The following LDLRAD3 variants were observed in gnomAD, a reference collection of about 807,000 sequenced individuals.
LDLRAD3 encodes the protein low density lipoprotein receptor class A domain containing 3, also known as low-density lipoprotein receptor class A domain-containing protein 3.
LDLRAD3 carries 20 observed loss-of-function variants against 29.4 expected under a neutral mutation model. That is an observed-to-expected ratio of 0.68 (90% CI 0.48 to 0.99). The LOEUF is 0.99. LDLRAD3 is among the 50% of genes least tolerant of loss of function. The pLI is 0.00. For missense variants in LDLRAD3, 420 were observed against 454.3 expected, an observed-to-expected ratio of 0.92 and a Z score of 0.69; for synonymous variants, 157 against 192.7, an observed-to-expected ratio of 0.81 and a Z score of 1.53.
At chr11:35,971,948 G>A (rs974189823) in intron 1 of LDLRAD3, among the ~76,000 whole-genome samples, 2 of 152,114 alleles carry the variant, frequency 1.3e-5, no homozygotes, top group Non-Finnish European at 2.9e-5. Context: ...AATGGATGGT[G>A]GCTCCATTCA....
Position 36,098,475 on chromosome 11 carries a change from A to G in LDLRAD3, c.454+14A>G. ...AAAGTTCTCAAGGTAGGAACCTCTC[A>G]AGCTCTAAAAAGATAATTGCAACAC... is the stretch of plus-strand genomic sequence containing the variant. On this transcript the variant is annotated intron_variant, in intron 4 of 5. Transcript: ENST00000315571. The G allele has an allele frequency of 6.2e-7, 1 of 1,613,966 alleles. No individual in the cohort carries two copies. The highest frequency in any genetic ancestry group is 8.5e-7 in the Non-Finnish European group (1 of 1,179,838).
At chr11:36,108,910 A>G (rs1853569249) in intron 4 of LDLRAD3, among the ~76,000 whole-genome samples, 1 of 152,090 alleles carries the variant, frequency 6.6e-6, no homozygotes, top group South Asian at 2.1e-4. Flanking sequence ...GCCAAGCAGT[A>G]GGGTGGGGTT....
chr11:36,221,671 G>A (rs1440889992), intron 4 of LDLRAD3, among the ~76,000 whole-genome samples: 1 of 152,168 alleles, frequency 6.6e-6, no homozygotes, highest in Non-Finnish European at 1.5e-5. Flanking sequence ...TGCACCATCA[G>A]CCTGGGCAAG....
At chr11:35,996,685 G>T (rs1351152601) in intron 1 of LDLRAD3, among the ~76,000 whole-genome samples, 2 of 152,152 alleles carry the variant, frequency 1.3e-5, no homozygotes, top group Non-Finnish European at 2.9e-5. Flanking sequence ...CTGTTCTTTA[G>T]ATCAATAATT....
chr11:36,144,139 T>C (rs199793219), intron 4 of LDLRAD3, among the ~76,000 whole-genome samples: 10,457 of 151,134 alleles, frequency 0.069, 520 homozygotes, highest in East Asian at 0.24. Context: ...CTGTGTTGGC[T>C]GGGCTGGTCT....
chr11:36,043,418 T>G (rs1481492115), intron 2 of LDLRAD3, among the ~76,000 whole-genome samples: 2 of 152,232 alleles, frequency 1.3e-5, no homozygotes, highest in African/African-American at 4.8e-5. Context: ...TTTAACAATT[T>G]GCAAGTAAGA....
chr11:35,993,903 A>G (rs550298910), intron 1 of LDLRAD3, among the ~76,000 whole-genome samples: 2 of 152,220 alleles, frequency 1.3e-5, no homozygotes, highest in South Asian at 4.2e-4. Context: ...TTAGTTAATT[A>G]TGTGCATAAA....
intron 1 of LDLRAD3, among the ~76,000 whole-genome samples, chr11:35,999,494 C>T (rs958942842): frequency 1.3e-5 from 2 of 152,202 alleles, no homozygotes; most frequent in Admixed American, 6.5e-5. Flanking sequence ...ATCTCTCCTG[C>T]TGCCTGCAGA....
chr11:36,075,926 C>G (rs950302598), intron 2 of LDLRAD3, among the ~76,000 whole-genome samples: 1 of 152,194 alleles, frequency 6.6e-6, no homozygotes, highest in Non-Finnish European at 1.5e-5. Flanking sequence ...TTGACATGCC[C>G]CCATGATATT....
chr11:36,185,503 GTGGCACAAGA>G (rs1317489937), intron 4 of LDLRAD3, among the ~76,000 whole-genome samples: 1 of 152,214 alleles, frequency 6.6e-6, no homozygotes, highest in Non-Finnish European at 1.5e-5. Flanking sequence ...GAGGAATGCA[GTGGCACAAGA>G]TGGCTTGTGT....
In LDLRAD3 at chr11:36,213,591, C is replaced by T. The variant is rs546100416; in HGVS notation, c.455-13494C>T. 1.9e-3 allele frequency among the ~76,000 whole-genome samples: 284 copies of T among 152,246 alleles called. No homozygotes were observed. Among genetic ancestry groups the T allele is most frequent in the African/African-American group, 6.5e-3 (271 of 41,556 alleles). On this transcript the variant is annotated intron_variant, in intron 4 of 5. Coordinates refer to ENST00000315571, the MANE Select transcript of LDLRAD3 (RefSeq NM_174902.4). This position sits in a 1 kb window ranked among gnomAD's most constrained non-coding sequence, Gnocchi z 4.1. The stretch of plus-strand genomic sequence containing the variant: ...TCCAGGCTTGAGAAAGTGTGGCTGC[C>T]ACTGTGGCAGAGGCCATGGTAGGAG...
intron 1 of LDLRAD3, among the ~76,000 whole-genome samples, chr11:36,004,287 G>A (rs1255991865): frequency 6.6e-6 from 1 of 152,182 alleles, no homozygotes; most frequent in Admixed American, 6.5e-5. Context: ...CAGGTATAGG[G>A]TGAATGCTTT....
At chr11:36,219,830 TAAAAA>T (rs375216196) in intron 4 of LDLRAD3, among the ~76,000 whole-genome samples, 4 of 152,188 alleles carry the variant, frequency 2.6e-5, no homozygotes, top group African/African-American at 9.6e-5. Flanking sequence ...TGACTAGTCT[TAAAAA>T]AGAAAATACC....
chr11:36,075,789 C>T (rs1272383348), intron 2 of LDLRAD3, among the ~76,000 whole-genome samples: 2 of 152,092 alleles, frequency 1.3e-5, no homozygotes, highest in Admixed American at 1.3e-4. Flanking sequence ...GGTACTAGAT[C>T]CTTATTTTGT....
In LDLRAD3 at chr11:35,977,621, G is replaced by A. The variant is rs1451180478; in HGVS notation, c.46+33477G>A. Among the ~76,000 whole-genome samples, 9 of 152,068 alleles carry A rather than the reference G, an allele frequency of 5.9e-5. No individual in the cohort carries two copies. The South Asian group carries it at 6.2e-4, about 10-fold the overall frequency. ...TAGGGAGAGGCCCAATGAGACGCCC[G>A]TCTTAGGTCCTTTCAAGCTGCTATA... On this transcript the variant is annotated intron_variant, in intron 1 of 5. Coordinates refer to ENST00000315571, the MANE Select transcript of LDLRAD3 (RefSeq NM_174902.4).
intron 4 of LDLRAD3, among the ~76,000 whole-genome samples, chr11:36,158,086 T>G (rs747470517): frequency 6.6e-6 from 1 of 152,200 alleles, no homozygotes; most frequent in African/African-American, 2.4e-5. Flanking sequence ...TCTTTTCGTT[T>G]TATGCTGGCC....
At chr11:35,964,463 G>A (rs1448120781) in intron 1 of LDLRAD3, among the ~76,000 whole-genome samples, 1 of 152,134 alleles carries the variant, frequency 6.6e-6, no homozygotes, top group African/African-American at 2.4e-5. Context: ...ACCCAGCTTA[G>A]AACTTGGGGT....
In LDLRAD3 at chr11:35,983,336, TG is replaced by T. The variant is rs140082667; in HGVS notation, c.46+39193del. ...TTTTACCTGTTCCTTTTTACCTGTTTGTAATGTGGCTACTAGAAACATTTTA... is the reference window on the plus strand; with the variant it reads ...TTTTACCTGTTCCTTTTTACCTGTTTTAATGTGGCTACTAGAAACATTTTA... On this transcript the variant is annotated intron_variant, in intron 1 of 5. Coordinates refer to ENST00000315571, the MANE Select transcript of LDLRAD3 (RefSeq NM_174902.4). Among the ~76,000 whole-genome samples the T allele has an allele frequency of 0.015, 2,214 of 152,368 alleles. 103 individuals carry two copies. The East Asian group carries it at 0.15, about 11-fold the overall frequency.
intron 4 of LDLRAD3, among the ~76,000 whole-genome samples, chr11:36,133,552 T>G (rs991456948): frequency 6.9e-6 from 1 of 144,692 alleles, no homozygotes; most frequent in African/African-American, 2.5e-5. Flanking sequence ...CTTTTCTTTT[T>G]TTTTTTTTTT....
Sources: gnomAD v4.1 joint callset for allele counts (sites outside exome capture counted in the v4.1 genomes callset) on GRCh38, gnomAD v4.1.1 for gene constraint, Gnocchi (gnomAD v3.1) non-coding constraint, MANE v1.5 for transcripts, NCBI Gene and HGNC (gene_info 2026-07-23, HGNC 2026-07-21) for gene names.